The following TENT5B variants were observed in gnomAD, a reference collection of about 807,000 sequenced individuals.
TENT5B encodes the protein terminal nucleotidyltransferase 5B.
A neutral mutation model predicts 21.7 loss-of-function variants in TENT5B; 12 were observed. That is an observed-to-expected ratio of 0.55 (90% CI 0.36 to 0.90). The LOEUF is 0.90. TENT5B is among the 40% of genes least tolerant of loss of function. The probability of loss-of-function intolerance (pLI) is 0.01; values close to 1 mark genes in which losing one functional copy is unlikely to be tolerated. For synonymous variants in TENT5B, 262 were observed against 266.6 expected, an observed-to-expected ratio of 0.98 and a Z score of 0.17; for missense variants, 540 against 601.5, an observed-to-expected ratio of 0.90 and a Z score of 1.07.
chr1:27,005,662 A>C lies in TENT5B; in HGVS notation c.*282T>G. ...CCAAACTTGCTTTGTCTCCTGAAGG[A>C]AATTGACTTCCAAGACAAATGGCGC... On this transcript the variant is annotated 3_prime_UTR_variant, in exon 2 of 2. Coordinates refer to ENST00000289166, the MANE Select transcript of TENT5B (RefSeq NM_052943.4). 1 of 420,212 alleles carries C rather than the reference A, an allele frequency of 2.4e-6. No individual in the cohort carries two copies. The highest frequency in any genetic ancestry group is 3.6e-5 in the East Asian group (1 of 27,508). 26.0% of individuals were successfully genotyped at this position (420,212 alleles called of 1,614,324 possible). A position where few individuals can be genotyped will look rare whatever the true frequency, so the allele number is the denominator to read the frequency against.
chr1:27,006,049 G>A lies in TENT5B; in HGVS notation c.1173C>T (p.Arg391=). ...GPAATAALAW[R]PPGTDGVVPA... is the part of the protein sequence containing the mutation. ...GCACAACCCCGTCAGTGCCTGGAGG[G>A]CGCCAGGCCAGGGCGGCAGTGGCAG... Residue 391 remains arginine (R), a synonymous_variant, in exon 2 of 2, where the codon CGC becomes CGT. Coordinates refer to ENST00000289166, the MANE Select transcript of TENT5B (RefSeq NM_052943.4). This position sits in a 1 kb window ranked among gnomAD's most constrained non-coding sequence, Gnocchi z 9.4. 1.2e-6 allele frequency: 2 copies of A among 1,611,596 alleles called. No individual in the cohort carries two copies. Among genetic ancestry groups the A allele is most frequent in the Non-Finnish European group, 8.5e-7 (1 of 1,178,824 alleles).
chr1:27,006,950 C>T lies in TENT5B; in HGVS notation c.272G>A (p.Arg91His), dbSNP rs866704145. 10 of 1,582,250 alleles carry T rather than the reference C, an allele frequency of 6.3e-6. No individual in the cohort carries two copies. The African/African-American group carries it at 1.1e-4, about 17-fold the overall frequency. ...TAGTCCCTGCTCCTCCAGGGTGCTG[C>T]GGACCACCTGCAGGGGAGAGCAGGA... ...VQPRQIVQVVRSTLEEQGLHV... is the reference protein window; with the variant it reads ...VQPRQIVQVVHSTLEEQGLHV... The change falls in exon 2 of 2, where the codon CGC becomes CAC. Residue 91 changes from arginine to histidine, a missense_variant. By Grantham distance (29) the Arg-to-His change is conservative. Coordinates refer to ENST00000289166, the MANE Select transcript of TENT5B (RefSeq NM_052943.4). The surrounding 1 kb of genome is among the most constrained non-coding windows in gnomAD (Gnocchi z 9.4).
In TENT5B at chr1:27,006,145, G is replaced by A; in HGVS notation, c.1077C>T (p.Asn359=). 1.2e-6 allele frequency: 2 copies of A among 1,608,820 alleles called. No individual in the cohort carries two copies. The highest frequency in any genetic ancestry group is 1.7e-6 in the Non-Finnish European group (2 of 1,176,958). The change falls in exon 2 of 2, where the codon AAC becomes AAT. Residue 359 remains asparagine, a synonymous_variant. Coordinates refer to ENST00000289166, the MANE Select transcript of TENT5B (RefSeq NM_052943.4). The surrounding 1 kb of genome is among the most constrained non-coding windows in gnomAD (Gnocchi z 9.4). ...GGTCCAGCGTCTGGCGGCGCTCGTG[G>A]TTCATGAGGCACACGGTGCTCTCGT... ...VVNESTVCLM[N]HERRQTLDLI... is the part of the protein sequence containing the mutation.
At chr1:27,010,733 C>T (rs2124207734) in intron 1 of TENT5B, among the ~76,000 whole-genome samples, 1 of 152,360 alleles carries the variant, frequency 6.6e-6, no homozygotes, top group Middle Eastern at 3.4e-3. Context: ...GCCGACAGCT[C>T]CCTGTTCTGT....
chr1:27,006,192 C>A lies in TENT5B; in HGVS notation c.1030G>T (p.Val344Leu), dbSNP rs980601739. The A allele has an allele frequency of 5.0e-6, 8 of 1,612,320 alleles. No homozygotes were observed. Among genetic ancestry groups the A allele is most frequent in the Admixed American group, 1.7e-5 (1 of 59,892 alleles). Reference protein sequence around the residue: ...ADAARRYACLVTLHRVVNEST... With the variant: ...ADAARRYACLLTLHRVVNEST... Reference sequence around the variant, plus strand: ...TCGTTGACCACCCGGTGCAGTGTCACCAGGCAGGCGTAACGGCGGGCTGCA... The same window carrying A: ...TCGTTGACCACCCGGTGCAGTGTCAACAGGCAGGCGTAACGGCGGGCTGCA... Residue 344 changes from valine (V) to leucine (L), a missense_variant, in exon 2 of 2, where the codon GTG becomes TTG. Coordinates refer to ENST00000289166, the MANE Select transcript of TENT5B (RefSeq NM_052943.4). The surrounding 1 kb of genome is among the most constrained non-coding windows in gnomAD (Gnocchi z 9.4).
intron 1 of TENT5B, 103 bp from the exon 2 acceptor site, chr1:27,007,060 T>A: frequency 2.9e-6 from 2 of 682,452 alleles, no homozygotes; most frequent in Non-Finnish European, 1.9e-6. Context: ...TATTGGCCCC[T>A]AACCAGCTGT....
intron 1 of TENT5B, among the ~76,000 whole-genome samples, chr1:27,009,798 C>T (rs2082615965): frequency 1.3e-5 from 2 of 152,228 alleles, no homozygotes; most frequent in South Asian, 2.1e-4. Context: ...AAATCCCCTG[C>T]GTCAGGGCCA....
chr1:27,010,620 T>G (rs935763832), intron 1 of TENT5B, among the ~76,000 whole-genome samples: 19 of 152,212 alleles, frequency 1.2e-4, no homozygotes, highest in African/African-American at 3.4e-4. Flanking sequence ...ATGGGGACAC[T>G]GAGCCCAGCA....
chr1:27,006,419 G>A lies in TENT5B; in HGVS notation c.803C>T (p.Thr268Met), dbSNP rs201383889. Residue 268 changes from threonine (T) to methionine (M), a missense_variant, in exon 2 of 2, where the codon ACG becomes ATG. Physicochemically the swap from Thr to Met is moderately conservative, Grantham distance 81. Coordinates refer to ENST00000289166, the MANE Select transcript of TENT5B (RefSeq NM_052943.4). This position sits in a 1 kb window ranked among gnomAD's most constrained non-coding sequence, Gnocchi z 9.4. ...ACCTCGGATCTCCTCGGGACTGCGCGTGGCGATGACACGGTGCCGCAGGTG... is the reference window on the plus strand; with the variant it reads ...ACCTCGGATCTCCTCGGGACTGCGCATGGCGATGACACGGTGCCGCAGGTG... ...LEHLRHRVIATRSPEEIRGGG... is the reference protein window; with the variant it reads ...LEHLRHRVIAMRSPEEIRGGG... 27 of 1,613,496 alleles carry A rather than the reference G, an allele frequency of 1.7e-5. No homozygotes were observed. Among genetic ancestry groups the A allele is most frequent in the Non-Finnish European group, 2.1e-5 (25 of 1,179,864 alleles).
intron 1 of TENT5B, among the ~76,000 whole-genome samples, chr1:27,008,545 G>A (rs1267525604): frequency 6.6e-6 from 1 of 152,188 alleles, no homozygotes; most frequent in African/African-American, 2.4e-5. Flanking sequence ...GAGGGTGGCA[G>A]AAGGAGGCTA....
chr1:27,012,823 C>T lies in TENT5B; in HGVS notation c.-153G>A, dbSNP rs2082631398. ...AGACAAAGCCAGGGAACACCTCAGA[C>T]GGCGACGACTAACCGACCCTAGCGC... On this transcript the variant is annotated 5_prime_UTR_variant, in exon 1 of 2. Transcript: ENST00000289166. 1.3e-5 allele frequency: 13 copies of T among 1,029,016 alleles called. 1 individual carries two copies. In the South Asian group the frequency reaches 1.8e-4, roughly 15 times the overall value. The allele number at this position is 1,029,016 out of a possible 1,614,324, so 63.7% of individuals were successfully genotyped here.
At chr1:27,008,596 A>C (rs951597845) in intron 1 of TENT5B, among the ~76,000 whole-genome samples, 18 of 152,088 alleles carry the variant, frequency 1.2e-4, no homozygotes, top group South Asian at 6.2e-4. Context: ...TGTTGCCAGA[A>C]TCTATGGGGA....
chr1:27,006,087 C>T lies in TENT5B; in HGVS notation c.1135G>A (p.Glu379Lys). 1.2e-6 allele frequency: 2 copies of T among 1,610,414 alleles called. No individual in the cohort carries two copies. The highest frequency in any genetic ancestry group is 1.7e-6 in the Non-Finnish European group (2 of 1,178,118). Reference sequence around the variant, plus strand: ...GCGGCAGTGGCAGCTGGGCCCTGCTCAGCCAGTGCCTGCAGCGCCAGTGCG... The same window carrying T: ...GCGGCAGTGGCAGCTGGGCCCTGCTTAGCCAGTGCCTGCAGCGCCAGTGCG... ...IAALALQALA[E>K]QGPAATAALA... Residue 379 changes from glutamate to lysine, a missense_variant, in exon 2 of 2, where the codon GAG becomes AAG. Glu to Lys is a moderately conservative substitution (Grantham distance 56). Coordinates refer to ENST00000289166, the MANE Select transcript of TENT5B (RefSeq NM_052943.4). This position sits in a 1 kb window ranked among gnomAD's most constrained non-coding sequence, Gnocchi z 9.4.
At position 27,012,458 on chromosome 1, in the gene TENT5B, G is replaced by A; in HGVS notation, c.213C>T (p.His71=). Residue 71 remains histidine (H), a synonymous_variant, in exon 1 of 2, where the codon CAC becomes CAT. Coordinates refer to ENST00000289166, the MANE Select transcript of TENT5B (RefSeq NM_052943.4). ...DALLSEPIPI[H]GRGNFPTLSV... The stretch of plus-strand genomic sequence containing the variant: ...TCAGCGTGGGGAAGTTGCCGCGCCC[G>A]TGAATGGGAATCGGCTCGCTCAGAA... The A allele has an allele frequency of 6.2e-7, 1 of 1,613,068 alleles. No homozygotes were observed. Among genetic ancestry groups the A allele is most frequent in the Non-Finnish European group, 8.5e-7 (1 of 1,179,874 alleles).
intron 1 of TENT5B, among the ~76,000 whole-genome samples, chr1:27,009,354 TG>T (rs2082614512): frequency 6.6e-6 from 1 of 152,160 alleles, no homozygotes; most frequent in Non-Finnish European, 1.5e-5. Flanking sequence ...AACCCAGGGA[TG>T]GCCAACAGCA....
chr1:27,011,920 A>AG (rs1245952197), intron 1 of TENT5B, among the ~76,000 whole-genome samples: 4 of 151,862 alleles, frequency 2.6e-5, no homozygotes, highest in Admixed American at 6.6e-5. Flanking sequence ...TGGAGGGGGA[A>AG]GGGGGGGTTT....
chr1:27,005,893 C>T lies in TENT5B; in HGVS notation c.*51G>A. On this transcript the variant is annotated 3_prime_UTR_variant, in exon 2 of 2. Transcript: ENST00000289166. The stretch of plus-strand genomic sequence containing the variant: ...ATGTCCTCCACACACTCTTGGAGGC[C>T]CCACCCCACCCCGTGAGGCCCAGTC... 2 of 1,513,660 alleles carry T rather than the reference C, an allele frequency of 1.3e-6. No homozygotes were observed. The highest frequency in any genetic ancestry group is 1.8e-6 in the Non-Finnish European group (2 of 1,131,406). The allele number at this position is 1,513,660 out of a possible 1,614,324, so 93.8% of individuals were successfully genotyped here.
Position 27,006,202 on chromosome 1 carries a change from G to A in TENT5B, c.1020C>T (p.Tyr340=), listed in dbSNP as rs746985892. The part of the protein sequence containing the change: ...HFGGADAARR[Y]ACLVTLHRVV... The stretch of plus-strand genomic sequence containing the variant: ...CCCGGTGCAGTGTCACCAGGCAGGC[G>A]TAACGGCGGGCTGCATCTGCCCCAC... Residue 340 remains tyrosine, a synonymous_variant, in exon 2 of 2, where the codon TAC becomes TAT. Transcript: ENST00000289166. This position sits in a 1 kb window ranked among gnomAD's most constrained non-coding sequence, Gnocchi z 9.4. 1.9e-5 allele frequency: 31 copies of A among 1,608,112 alleles called. No homozygotes were observed. Among genetic ancestry groups the A allele is most frequent in the African/African-American group, 6.7e-5 (5 of 74,850 alleles).
chr1:27,006,177 C>G lies in TENT5B; in HGVS notation c.1045G>C (p.Val349Leu), dbSNP rs756312649. Residue 349 changes from valine (V) to leucine (L), a missense_variant, in exon 2 of 2, where the codon GTG becomes CTG. Val to Leu is a conservative substitution (Grantham distance 32). Transcript: ENST00000289166. This position sits in a 1 kb window ranked among gnomAD's most constrained non-coding sequence, Gnocchi z 9.4. The part of the protein sequence containing the change: ...RYACLVTLHR[V>L]VNESTVCLMN... ...AGGCACACGGTGCTCTCGTTGACCA[C>G]CCGGTGCAGTGTCACCAGGCAGGCG... 3.7e-6 allele frequency: 6 copies of G among 1,611,668 alleles called. No individual in the cohort carries two copies. Among genetic ancestry groups the G allele is most frequent in the Non-Finnish European group, 3.4e-6 (4 of 1,179,260 alleles).
Sources: gnomAD v4.1 joint callset for allele counts (sites outside exome capture counted in the v4.1 genomes callset) on GRCh38, gnomAD v4.1.1 for gene constraint, Gnocchi (gnomAD v3.1) non-coding constraint, MANE v1.5 for transcripts, NCBI Gene and HGNC (gene_info 2026-07-23, HGNC 2026-07-21) for gene names.